Variants in RAI1 observed in about 807,000 individuals in gnomAD.
The protein encoded by RAI1 is retinoic acid induced 1.
A neutral mutation model predicts 123.8 loss-of-function variants in RAI1; 9 were observed. The ratio of observed to expected loss-of-function variants is 0.07; its 90% CI spans 0.04 to 0.13. The LOEUF (loss-of-function observed/expected upper bound fraction) is 0.13. Ranked by LOEUF, RAI1 falls within the 10% of genes least tolerant of loss-of-function variation. The probability of loss-of-function intolerance (pLI) is 1.00; values close to 1 mark genes in which losing one functional copy is unlikely to be tolerated. For synonymous variants in RAI1, 1,231 were observed against 1,127.3 expected, an observed-to-expected ratio of 1.09 and a Z score of -1.84; for missense variants, 2,256 against 2,545.8, an observed-to-expected ratio of 0.89 and a Z score of 2.45.
chr17:17,753,455 C>A lies in RAI1; in HGVS notation c.-17+29296C>A, dbSNP rs556004391. Among the ~76,000 whole-genome samples the A allele has an allele frequency of 2.0e-5, 3 of 152,220 alleles. No homozygotes were observed. In the South Asian group the frequency reaches 6.2e-4, roughly 32 times the overall value. ...AGCTAAACTCATGAAATCGGCTTCA[C>A]GGTTATACATGGATAGCCTTTTGGG... On this transcript the variant is annotated intron_variant, in intron 2 of 5. Transcript: ENST00000353383.
intron 2 of RAI1, among the ~76,000 whole-genome samples, chr17:17,741,725 C>T (rs534284488): frequency 1.3e-5 from 2 of 152,322 alleles, no homozygotes; most frequent in East Asian, 3.9e-4. Flanking sequence ...AGAGAATCCC[C>T]GAGGTGGTTC....
chr17:17,785,211 C>T (rs1042462488), intron 2 of RAI1, among the ~76,000 whole-genome samples: 2 of 152,350 alleles, frequency 1.3e-5, no homozygotes, highest in East Asian at 1.9e-4. Context: ...GAGGAGACAG[C>T]ACACACTTTG....
intron 2 of RAI1, among the ~76,000 whole-genome samples, chr17:17,785,446 A>G (rs565771003): frequency 6.6e-6 from 1 of 152,164 alleles, no homozygotes; most frequent in South Asian, 2.1e-4. Context: ...CAAACAGAGG[A>G]AGTCTCTGCC....
At chr17:17,806,194 TC>T (rs1431467205) in intron 4 of RAI1, among the ~76,000 whole-genome samples, 1 of 152,188 alleles carries the variant, frequency 6.6e-6, no homozygotes, top group Non-Finnish European at 1.5e-5. Context: ...TAGGAAGACT[TC>T]CAGGAGGAGG....
chr17:17,731,932 C>T (rs1390686103), intron 2 of RAI1, among the ~76,000 whole-genome samples: 1 of 152,014 alleles, frequency 6.6e-6, no homozygotes, highest in African/African-American at 2.4e-5. Context: ...GAAAGCTCAG[C>T]ACAGAGAGGG....
intron 2 of RAI1, among the ~76,000 whole-genome samples, chr17:17,741,091 G>GCA (rs773544376): frequency 0.01 from 1,231 of 119,984 alleles, 2 homozygotes; most frequent in East Asian, 0.034. Flanking sequence ...AAGCGCGCGC[G>GCA]CACACACACA....
intron 1 of RAI1, among the ~76,000 whole-genome samples, chr17:17,712,609 C>G (rs550334454): frequency 1.3e-5 from 2 of 152,252 alleles, no homozygotes; most frequent in South Asian, 2.1e-4. Flanking sequence ...CAGGCTCTGT[C>G]TGGGTGTTGT....
At position 17,809,909 on chromosome 17, in the gene RAI1, G is replaced by T; in HGVS notation, c.5710-61G>T. 1 of 1,551,368 alleles carries T rather than the reference G, an allele frequency of 6.4e-7. No individual in the cohort carries two copies. The highest frequency in any genetic ancestry group is 1.2e-5 in the South Asian group (1 of 84,226). On this transcript the variant is annotated intron_variant, in intron 5 of 5. Transcript: ENST00000353383. The surrounding 1 kb of genome is among the most constrained non-coding windows in gnomAD (Gnocchi z 4.9). ...TAGGCGGGGGGCCCACACTGGGGGC[G>T]GGGCCTATGGACTGTGAAGTCCGAG... is the stretch of plus-strand genomic sequence containing the variant.
At chr17:17,739,184 G>A (rs1916536154) in intron 2 of RAI1, among the ~76,000 whole-genome samples, 2 of 152,282 alleles carry the variant, frequency 1.3e-5, no homozygotes, top group South Asian at 4.2e-4. Context: ...AGGCTCTCTT[G>A]AAAACCGTGG....
In RAI1 at chr17:17,793,601, C is replaced by T. The variant is rs1015427538; in HGVS notation, c.653C>T (p.Thr218Ile). Residue 218 changes from threonine to isoleucine, a missense_variant, in exon 3 of 6, where the codon ACC becomes ATC. By Grantham distance (89) the Thr-to-Ile change is moderately conservative. Around this residue, in one of 7 missense-constraint regions of RAI1, gnomAD observed 336 missense variants for 349.8 expected, o/e 0.96. Coordinates refer to ENST00000353383, the MANE Select transcript of RAI1 (RefSeq NM_030665.4). ...CCTCAGCATTCCCAGTCCTTCCCCA[C>T]CTCCTCCACCTACTCCTCCTCTGTC... The part of the protein sequence containing the change: ...HFPQHSQSFP[T>I]SSTYSSSVQG... 1 of 1,613,642 alleles carries T rather than the reference C, an allele frequency of 6.2e-7. No individual in the cohort carries two copies. The highest frequency in any genetic ancestry group is 1.3e-5 in the African/African-American group (1 of 75,028).
At chr17:17,682,720 C>G (rs1180518827) in intron 1 of RAI1, among the ~76,000 whole-genome samples, 1 of 152,178 alleles carries the variant, frequency 6.6e-6, no homozygotes, top group African/African-American at 2.4e-5. Context: ...CGTCGCGGCC[C>G]CAGCTTCCTG....
intron 2 of RAI1, among the ~76,000 whole-genome samples, chr17:17,784,387 A>G (rs2031744635): frequency 6.6e-6 from 1 of 152,242 alleles, no homozygotes; most frequent in Non-Finnish European, 1.5e-5. Flanking sequence ...TGGCGTATCC[A>G]GGAGGGAGAC....
chr17:17,740,616 A>T (rs1167089354), intron 2 of RAI1, among the ~76,000 whole-genome samples: 1 of 152,210 alleles, frequency 6.6e-6, no homozygotes, highest in Non-Finnish European at 1.5e-5. Flanking sequence ...CGTGGCCATC[A>T]GGTGGCCTGG....
At chr17:17,782,727 G>A (rs955780539) in intron 2 of RAI1, among the ~76,000 whole-genome samples, 3 of 151,906 alleles carry the variant, frequency 2.0e-5, no homozygotes, top group African/African-American at 7.2e-5. Flanking sequence ...CCTGGAGGAA[G>A]AGGTCTCGGC....
At chr17:17,695,832 T>A (rs1343650971) in intron 1 of RAI1, among the ~76,000 whole-genome samples, 1 of 152,174 alleles carries the variant, frequency 6.6e-6, no homozygotes, top group Non-Finnish European at 1.5e-5. Flanking sequence ...TCCCCTAGTC[T>A]CTTAAGAGGC....
Position 17,803,790 on chromosome 17 carries a change from T to C in RAI1, c.5600T>C (p.Ile1867Thr), listed in dbSNP as rs1387867262. The part of the protein sequence containing the change: ...CSSCQEAGAT[I>T]GCCHKGCLHT... ...AGCTGCCAAGAAGCCGGGGCCACCA[T>C]TGGGTGCTGCCACAAAGGATGCCTC... The change falls in exon 4 of 6, where the codon ATT (isoleucine) becomes ACT (threonine). Residue 1867 changes from isoleucine to threonine, a missense_variant. Around this residue, in one of 7 missense-constraint regions of RAI1, gnomAD observed 243 missense variants for 316.6 expected, o/e 0.77. Transcript: ENST00000353383. 5.6e-6 allele frequency: 9 copies of C among 1,613,374 alleles called. No individual in the cohort carries two copies. The highest frequency in any genetic ancestry group is 2.2e-5 in the East Asian group (1 of 44,890).
intron 3 of RAI1, 106 bp downstream of exon 3, chr17:17,798,619 T>C: frequency 1.3e-6 from 2 of 1,528,076 alleles, no homozygotes; most frequent in Non-Finnish European, 8.8e-7. Context: ...GGGCCAAATG[T>C]GTCTGCAGTC....
chr17:17,810,649 G>C lies in RAI1; in HGVS notation c.*668G>C, dbSNP rs1173676440. The C allele has an allele frequency of 8.6e-6, 3 of 348,426 alleles. No homozygotes were observed. The allele number at this position is 348,426 out of a possible 1,614,324, so 21.6% of individuals were successfully genotyped here. A position where few individuals can be genotyped will look rare whatever the true frequency, so the allele number is the denominator to read the frequency against. On this transcript the variant is annotated 3_prime_UTR_variant, in exon 6 of 6. Coordinates refer to ENST00000353383, the MANE Select transcript of RAI1 (RefSeq NM_030665.4). The surrounding 1 kb of genome is among the most constrained non-coding windows in gnomAD (Gnocchi z 4.6). The stretch of plus-strand genomic sequence containing the variant: ...GTTCGGGCAAAGCCGGGGTAGACCT[G>C]GGCTATGCTCAGTTAGGGGTTGCGG...
chr17:17,737,192 G>A (rs1361235164), intron 2 of RAI1, among the ~76,000 whole-genome samples: 1 of 152,188 alleles, frequency 6.6e-6, no homozygotes, highest in Non-Finnish European at 1.5e-5. Context: ...GATTGAGGAT[G>A]GGACATTTCT....
Sources: gnomAD v4.1 joint callset for allele counts (sites outside exome capture counted in the v4.1 genomes callset) on GRCh38, gnomAD v4.1.1 for gene constraint, gnomAD v4.1.1 regional missense constraint, Gnocchi (gnomAD v3.1) non-coding constraint, MANE v1.5 for transcripts, NCBI Gene and HGNC (gene_info 2026-07-23, HGNC 2026-07-21) for gene names.